The following ACOT9 variants were observed in gnomAD, a reference collection of about 807,000 sequenced individuals.
The protein encoded by ACOT9 is acyl-CoA thioesterase 9.
ACOT9 carries 34 observed loss-of-function variants against 39.7 expected under a neutral mutation model. The ratio of observed to expected loss-of-function variants is 0.86; its 90% CI spans 0.65 to 1.14. ACOT9 has a LOEUF of 1.14. ACOT9 is among the 50% of genes most tolerant of loss of function. ACOT9 has a pLI of 0.00. For synonymous variants in ACOT9, 110 were observed against 120.5 expected (o/e 0.91, Z 0.57); for missense variants, 313 against 344.1 (o/e 0.91, Z 0.71).
chrX:23,706,372 C>T (rs1238890115), intron 11 of ACOT9, among the ~76,000 whole-genome samples: 1 of 109,095 alleles, frequency 9.2e-6, no homozygotes, highest in Non-Finnish European at 1.9e-5. Flanking sequence ...CAAGCCTGAC[C>T]AACATGGAGA....
chrX:23,727,389 C>T (rs1402325065), intron 6 of ACOT9, among the ~76,000 whole-genome samples: 1 of 110,680 alleles, frequency 9.0e-6, no homozygotes, highest in African/African-American at 3.3e-5. Flanking sequence ...GCAGTGGTGT[C>T]ACCACAGCTC....
At chrX:23,723,996 C>T (rs1298201950) in intron 6 of ACOT9, among the ~76,000 whole-genome samples, 1 of 112,120 alleles carries the variant, frequency 8.9e-6, no homozygotes, top group Non-Finnish European at 1.9e-5. Context: ...GGCACAGTGG[C>T]TCATGCCTGT....
At chrX:23,732,097 G>A (rs1366031036) in intron 4 of ACOT9, among the ~76,000 whole-genome samples, 1 of 112,071 alleles carries the variant, frequency 8.9e-6, no homozygotes, top group Non-Finnish European at 1.9e-5. Context: ...GCTCATGGGG[G>A]AAGAATAGGG....
At chrX:23,706,279 G>T (rs781432671) in intron 11 of ACOT9, among the ~76,000 whole-genome samples, 1 of 105,202 alleles carries the variant, frequency 9.5e-6, no homozygotes, top group African/African-American at 3.5e-5. Flanking sequence ...AACAAAAAAG[G>T]TCGGGTGTGG....
chrX:23,739,430 C>A (rs1194342465), intron 1 of ACOT9, among the ~76,000 whole-genome samples: 1 of 111,338 alleles, frequency 9.0e-6, no homozygotes, highest in Non-Finnish European at 1.9e-5. Flanking sequence ...AAGAGCATGT[C>A]TAATATACTG....
At chrX:23,704,963 G>A in intron 14 of ACOT9, 30 bp downstream of exon 14, 2 of 1,181,721 alleles carry the variant, frequency 1.7e-6, no homozygotes, top group South Asian at 3.7e-5. Context: ...AAAAAAAAAA[G>A]TTGTATGTCA....
intron 6 of ACOT9, among the ~76,000 whole-genome samples, chrX:23,725,556 A>G (rs1348293228): frequency 1.0e-4 from 11 of 105,447 alleles, no homozygotes; most frequent in East Asian, 3.0e-4. Flanking sequence ...AGTGGCTCAC[A>G]CCTGTAATCC....
intron 2 of ACOT9, among the ~76,000 whole-genome samples, chrX:23,735,382 G>A (rs1216655268): frequency 9.2e-6 from 1 of 109,183 alleles, no homozygotes; most frequent in Non-Finnish European, 1.9e-5. Context: ...TGAGGGCCAA[G>A]AAGGAAAAAC....
Position 23,721,874 on chromosome X carries a change from T to C in ACOT9, c.588+7A>G. The stretch of plus-strand genomic sequence containing the variant: ...AAACAGTGGACAATCTTCAGGCGCA[T>C]ATTTACCTGGAACATTTGCATCTTC... On this transcript the variant is annotated splice_region_variant and intron_variant, in intron 8 of 15. Transcript: ENST00000379303. 4 of 1,198,261 alleles carry C rather than the reference T, an allele frequency of 3.3e-6. No individual in the cohort carries two copies. The highest frequency in any genetic ancestry group is 4.5e-6 in the Non-Finnish European group (4 of 884,559).
At chrX:23,720,388 T>C (rs1167252970) in intron 8 of ACOT9, among the ~76,000 whole-genome samples, 2 of 111,880 alleles carry the variant, frequency 1.8e-5, no homozygotes, top group Non-Finnish European at 3.8e-5. Context: ...AACGTGACTG[T>C]ATTTGGAAAT....
chrX:23,731,070 T>C (rs1929723842), intron 4 of ACOT9, 84 bp from the exon 5 acceptor site: 5 of 829,181 alleles, frequency 6.0e-6, no homozygotes, highest in Non-Finnish European at 8.4e-6. Context: ...TAAGATACCA[T>C]CAAAGGAGGA....
chrX:23,743,254 G>A lies in ACOT9; in HGVS notation c.-110C>T. ...GAGTACCAGACCGCGCCCTTGCTGAGGACAGCCCGGGAGCCGGACAGCGGT... is the reference window on the plus strand; with the variant it reads ...GAGTACCAGACCGCGCCCTTGCTGAAGACAGCCCGGGAGCCGGACAGCGGT... On this transcript the variant is annotated 5_prime_UTR_variant, in exon 1 of 16. Coordinates refer to ENST00000379303, the MANE Select transcript of ACOT9 (RefSeq NM_001037171.2). The A allele has an allele frequency of 8.3e-6, 8 of 967,794 alleles. No homozygotes were observed. Among genetic ancestry groups the A allele is most frequent in the Non-Finnish European group, 1.1e-5 (8 of 731,668 alleles). The allele number at this position is 967,794 out of a possible 1,213,427, so 79.8% of individuals were successfully genotyped here.
chrX:23,733,280 A>G, intron 3 of ACOT9, 63 bp from the exon 4 acceptor site: 1 of 1,018,921 alleles, frequency 9.8e-7, no homozygotes, highest in African/African-American at 1.9e-5. Flanking sequence ...GATTATGGCA[A>G]TGAGCTCAAG....
chrX:23,709,636 G>A (rs921008793), intron 9 of ACOT9, among the ~76,000 whole-genome samples: 2 of 111,079 alleles, frequency 1.8e-5, no homozygotes, highest in South Asian at 3.8e-4. Context: ...AGCTTTCCAC[G>A]CAGCAGCAAA....
At chrX:23,731,569 G>C (rs1364140334) in intron 4 of ACOT9, among the ~76,000 whole-genome samples, 2 of 109,052 alleles carry the variant, frequency 1.8e-5, no homozygotes, top group Non-Finnish European at 3.8e-5. Context: ...TCAAAGACCA[G>C]AATATTTGAA....
intron 10 of ACOT9, 142 bp downstream of exon 10, chrX:23,707,735 T>G: frequency 2.3e-6 from 1 of 430,419 alleles, no homozygotes; most frequent in Non-Finnish European, 3.8e-6. Flanking sequence ...GAGACTCCAT[T>G]TCAAAAAAAA....
intron 2 of ACOT9, 79 bp downstream of exon 2, chrX:23,735,840 A>G: frequency 1.2e-6 from 1 of 857,331 alleles, no homozygotes; most frequent in Non-Finnish European, 1.7e-6. Context: ...GCTCTAAACT[A>G]TCACTCTATA....
intron 4 of ACOT9, among the ~76,000 whole-genome samples, chrX:23,732,107 G>A (rs1301556554): frequency 2.7e-5 from 3 of 111,911 alleles, no homozygotes; most frequent in African/African-American, 9.7e-5. Flanking sequence ...GAAGAATAGG[G>A]GAAGGACGAC....
At position 23,730,970 on chromosome X, in the gene ACOT9, T is replaced by C. The variant is rs770810094; in HGVS notation, c.208A>G (p.Met70Val). Residue 70 changes from methionine (M) to valine (V), a missense_variant, in exon 5 of 16, where the codon ATG becomes GTG. Transcript: ENST00000379303. ...STNWRDHVKA[M>V]EERKLLHSFL... ...CTATGAAGTAATTTCCTTTCTTCCA[T>C]TGCCTTCACATGGTCTCTGAGAAGA... The C allele has an allele frequency of 1.1e-5, 13 of 1,209,451 alleles. No homozygotes were observed. The highest frequency in any genetic ancestry group is 3.0e-5 in the East Asian group (1 of 33,856).
Sources: allele counts gnomAD v4.1 joint callset (sites outside exome capture counted in the v4.1 genomes callset), GRCh38; gene constraint gnomAD v4.1.1; transcripts MANE v1.5; gene names NCBI Gene and HGNC (gene_info 2026-07-23, HGNC 2026-07-21).